Variants in ARMC8 observed in about 807,000 individuals in gnomAD.
ARMC8 encodes armadillo repeat-containing protein 8.
In ARMC8, 20 loss-of-function variants were observed where a neutral mutation model predicts 99.3. The ratio of observed to expected loss-of-function variants is 0.20; its 90% CI spans 0.14 to 0.29. The LOEUF (loss-of-function observed/expected upper bound fraction) is 0.29, where lower values mean the gene tolerates loss of function less well. Among genes scored for constraint, ARMC8 ranks in the 10% least tolerant of loss-of-function variants. The pLI is 1.00. For synonymous variants in ARMC8, 263 were observed against 278.3 expected, an observed-to-expected ratio of 0.95 and a Z score of 0.55; for missense variants, 569 against 809.5, an observed-to-expected ratio of 0.70 and a Z score of 3.60.
At chr3:138,264,298 A>C (rs2048039284) in intron 14 of ARMC8, 86 bp downstream of exon 14, 7 of 975,320 alleles carry the variant, frequency 7.2e-6, no homozygotes, top group Non-Finnish European at 1.1e-5. Flanking sequence ...CTGGTCTAGG[A>C]GTATGTCTGA....
intron 2 of ARMC8, among the ~76,000 whole-genome samples, chr3:138,217,914 T>C (rs1383727823): frequency 6.6e-6 from 1 of 152,236 alleles, no homozygotes; most frequent in Non-Finnish European, 1.5e-5. Context: ...TTTTTGTACC[T>C]ATTAAATCAT....
chr3:138,240,182 G>A (rs948751646), intron 10 of ARMC8, among the ~76,000 whole-genome samples: 3 of 151,948 alleles, frequency 2.0e-5, no homozygotes, highest in African/African-American at 7.3e-5. Flanking sequence ...GTTATTGTGA[G>A]GATAACAATA....
At chr3:138,197,061 T>TGGGATGCAAAGCTAGGTTATCTG (rs1217673096) in intron 1 of ARMC8, among the ~76,000 whole-genome samples, 4 of 152,152 alleles carry the variant, frequency 2.6e-5, no homozygotes, top group African/African-American at 7.2e-5. Flanking sequence ...GTAGCAGGCC[T>TGGGATGCAAAGCTAGGTTATCTG]GGGATGCAAA....
intron 21 of ARMC8, among the ~76,000 whole-genome samples, chr3:138,294,265 T>C (rs2051261775): frequency 6.6e-6 from 1 of 152,304 alleles, no homozygotes; most frequent in East Asian, 1.9e-4. Flanking sequence ...TGCTTACAGA[T>C]GAGAAGCTAT....
chr3:138,273,204 C>G, intron 17 of ARMC8, 88 bp downstream of exon 17: 1 of 1,342,884 alleles, frequency 7.4e-7, no homozygotes, highest in Non-Finnish European at 1.0e-6. Context: ...TCATTAACAT[C>G]TGCCCATGAG....
At chr3:138,213,937 G>A (rs2044855099) in intron 2 of ARMC8, among the ~76,000 whole-genome samples, 1 of 152,044 alleles carries the variant, frequency 6.6e-6, no homozygotes, top group Non-Finnish European at 1.5e-5. Flanking sequence ...AAGGCGGGCG[G>A]ATCCCTTGAA....
At chr3:138,259,822 A>T (rs959001948) in intron 12 of ARMC8, among the ~76,000 whole-genome samples, 1 of 152,204 alleles carries the variant, frequency 6.6e-6, no homozygotes, top group African/African-American at 2.4e-5. Flanking sequence ...CTACACTCTT[A>T]ATGTTACAGT....
At chr3:138,289,803 T>C (rs564233428) in intron 20 of ARMC8, among the ~76,000 whole-genome samples, 2 of 152,242 alleles carry the variant, frequency 1.3e-5, no homozygotes, top group Non-Finnish European at 2.9e-5. Flanking sequence ...GGGGAAGTTT[T>C]TAAAGTGCAG....
intron 1 of ARMC8, chr3:138,188,311 G>A: frequency 2.7e-6 from 3 of 1,116,700 alleles, no homozygotes; most frequent in Non-Finnish European, 3.6e-6. Context: ...GGGGGGAAAA[G>A]GGGGTGAGAT....
intron 1 of ARMC8, among the ~76,000 whole-genome samples, chr3:138,195,132 G>A (rs752840205): frequency 1.3e-5 from 2 of 151,868 alleles, no homozygotes; most frequent in African/African-American, 2.4e-5. Context: ...AAAAAAATTA[G>A]CCAGGCATGG....
In ARMC8 at chr3:138,298,297, C is replaced by G. The variant is rs1371187600; in HGVS notation, c.*2405C>G. The G allele has an allele frequency of 6.6e-6, 1 of 152,018 alleles. No homozygotes were observed. The highest frequency in any genetic ancestry group is 2.4e-5 in the African/African-American group (1 of 41,390). 9.4% of individuals were successfully genotyped at this position (152,018 alleles called of 1,614,324 possible). On this transcript the variant is annotated 3_prime_UTR_variant, in exon 22 of 22. Transcript: ENST00000469044. The stretch of plus-strand genomic sequence containing the variant: ...TTTTTTTTTCTTTAAGCACTTTATT[C>G]AGAACAATACATGTTCTTCTGGTAG...
At position 138,212,195 on chromosome 3, in the gene ARMC8, T is replaced by C. The variant is rs1216951447; in HGVS notation, c.122+2302T>C. 2.6e-5 allele frequency among the ~76,000 whole-genome samples: 4 copies of C among 152,298 alleles called. No homozygotes were observed. The Middle Eastern group carries it at 0.014, about 518-fold the overall frequency. On this transcript the variant is annotated intron_variant, in intron 2 of 21. Transcript: ENST00000469044. ...AAGCTTCCTTTTCTCCAGATAGAAA[T>C]ATTTATTCTTTCTGACTTCTTTCTT...
At chr3:138,252,498 G>A (rs2108217499) in intron 12 of ARMC8, among the ~76,000 whole-genome samples, 1 of 146,640 alleles carries the variant, frequency 6.8e-6, no homozygotes, top group South Asian at 2.1e-4. Flanking sequence ...CTGTCGCCCA[G>A]GCTGGAGTGC....
intron 1 of ARMC8, among the ~76,000 whole-genome samples, chr3:138,192,276 T>A (rs2043430530): frequency 1.6e-5 from 2 of 122,748 alleles, no homozygotes; most frequent in African/African-American, 7.7e-5. Context: ...TTATTTATCC[T>A]TTTTTTTTTT....
chr3:138,226,452 C>T (rs564001188), intron 5 of ARMC8, among the ~76,000 whole-genome samples: 1 of 152,162 alleles, frequency 6.6e-6, no homozygotes, highest in Non-Finnish European at 1.5e-5. Context: ...ACCCCACCTC[C>T]AGTTTATGAT....
intron 11 of ARMC8, 67 bp from the exon 12 acceptor site, chr3:138,245,021 C>A: frequency 6.5e-7 from 1 of 1,534,798 alleles, no homozygotes; most frequent in South Asian, 1.2e-5. Context: ...TTTTCTTCAA[C>A]TCAGTTAATG....
intron 5 of ARMC8, among the ~76,000 whole-genome samples, chr3:138,224,352 G>A (rs1282240155): frequency 6.6e-6 from 1 of 152,224 alleles, no homozygotes; most frequent in Non-Finnish European, 1.5e-5. Flanking sequence ...TGCAGTGGAA[G>A]GATTGCTTGA....
chr3:138,233,583 T>TC (rs1415031545), intron 6 of ARMC8, among the ~76,000 whole-genome samples: 1 of 152,224 alleles, frequency 6.6e-6, no homozygotes, highest in Admixed American at 6.5e-5. Context: ...TTTTACAGAT[T>TC]CTTTTAATAA....
At chr3:138,242,522 A>G (rs932293863) in intron 11 of ARMC8, among the ~76,000 whole-genome samples, 5 of 152,200 alleles carry the variant, frequency 3.3e-5, no homozygotes, top group Non-Finnish European at 7.3e-5. Context: ...GCTTTTTCTG[A>G]AAACCTAAGT....
Sources: allele counts gnomAD v4.1 joint callset (sites outside exome capture counted in the v4.1 genomes callset), GRCh38; gene constraint gnomAD v4.1.1; transcripts MANE v1.5; gene names NCBI Gene and HGNC (gene_info 2026-07-23, HGNC 2026-07-21).